The following GOLGB1 variants were observed in gnomAD, a reference collection of about 807,000 sequenced individuals.
The protein encoded by GOLGB1 is golgin B1.
Under a neutral mutation model 336.9 loss-of-function variants are expected in GOLGB1, and 174 were observed. That is an observed-to-expected ratio of 0.52 (90% confidence interval 0.46 to 0.59). GOLGB1 has a LOEUF of 0.59. Among genes scored for constraint, GOLGB1 ranks in the 20% least tolerant of loss-of-function variants. The pLI is 0.00. For synonymous variants in GOLGB1, 1,208 were observed against 1,289.2 expected (o/e 0.94, Z 1.35); for missense variants, 3,331 against 3,645.3 (o/e 0.91, Z 2.22).
chr3:121,682,552 G>C (rs1941200452), intron 14 of GOLGB1, among the ~76,000 whole-genome samples: 1 of 152,150 alleles, frequency 6.6e-6, no homozygotes, highest in Non-Finnish European at 1.5e-5. Flanking sequence ...AGTTAGTGAT[G>C]ATGACAGACT....
At position 121,696,488 on chromosome 3, in the gene GOLGB1, A is replaced by T. The variant is rs1209742730; in HGVS notation, c.4035T>A (p.Phe1345Leu). The T allele has an allele frequency of 6.8e-6, 11 of 1,614,070 alleles. No homozygotes were observed. Among genetic ancestry groups the T allele is most frequent in the Non-Finnish European group, 9.3e-6 (11 of 1,179,970 alleles). ...GTTTATTTATCTGCTCTTGTAACTG[A>T]AATACCTCTTCTGATTTTTTAGTAA... ...SELTKKSEEV[F>L]QLQEQINKQG... Residue 1345 changes from phenylalanine to leucine, a missense_variant, in exon 13 of 22, where the codon TTT (phenylalanine) becomes TTA (leucine). Transcript: ENST00000614479.
rs757706029 is a variant in GOLGB1, at chr3:121,714,917, G to A, written c.1348C>T (p.Gln450Ter). The change falls in exon 10 of 22, where the codon CAA (glutamine) becomes TAA (stop). Residue 450 changes from glutamine to a stop codon, truncating the protein, a stop_gained. Coordinates refer to ENST00000614479, the MANE Select transcript of GOLGB1 (RefSeq NM_001366282.2). LOFTEE classifies it high-confidence loss of function. The stretch of plus-strand genomic sequence containing the variant: ...GAAGTCTGAGATGCTGTTTCATGTT[G>A]TTGCAAGGGCAGTCTATTTAGAAAT... ...SQFLNRLPLQ[Q>*]HETASQTSFP... The A allele has an allele frequency of 6.2e-7, 1 of 1,613,118 alleles. No homozygotes were observed.
At chr3:121,741,269 T>A (rs1946833780) in intron 1 of GOLGB1, among the ~76,000 whole-genome samples, 1 of 151,978 alleles carries the variant, frequency 6.6e-6, no homozygotes, top group Non-Finnish European at 1.5e-5. Flanking sequence ...TAAGAACTAG[T>A]GGTGAGCATT....
chr3:121,684,170 G>GAAAAAAAAAAAAAA (rs1941463946), intron 14 of GOLGB1, among the ~76,000 whole-genome samples: 1 of 112,596 alleles, frequency 8.9e-6, no homozygotes, highest in African/African-American at 3.5e-5. Flanking sequence ...ATCTGTCTAT[G>GAAAAAAAAAAAAAA]AGACACAGAA....
chr3:121,696,258 T>G lies in GOLGB1; in HGVS notation c.4265A>C (p.Glu1422Ala). 6.2e-7 allele frequency: 1 copy of G among 1,614,056 alleles called. No homozygotes were observed. The highest frequency in any genetic ancestry group is 2.2e-5 in the East Asian group (1 of 44,884). The change falls in exon 13 of 22, where the codon GAG becomes GCG. Residue 1422 changes from glutamate (E) to alanine (A), a missense_variant. By Grantham distance (107) the Glu-to-Ala change is moderately radical. Transcript: ENST00000614479. ...TATTTTAGTGAGAGCTGCTTCTTTC[T>G]CACTAAGTTGTCCAGAAAGGTAGCT... Reference protein sequence around the residue: ...DVSYLSGQLSEKEAALTKIQT... With the variant: ...DVSYLSGQLSAKEAALTKIQT...
chr3:121,693,934 T>A lies in GOLGB1; in HGVS notation c.6589A>T (p.Lys2197Ter), dbSNP rs774681091. 6.2e-7 allele frequency: 1 copy of A among 1,613,990 alleles called. No homozygotes were observed. The highest frequency in any genetic ancestry group is 8.5e-7 in the Non-Finnish European group (1 of 1,179,844). The change falls in exon 13 of 22, where the codon AAG becomes TAG. Residue 2197 changes from lysine (K) to a stop codon, truncating the protein, a stop_gained. Coordinates refer to ENST00000614479, the MANE Select transcript of GOLGB1 (RefSeq NM_001366282.2). LOFTEE classifies it high-confidence loss of function. Reference protein sequence around the residue: ...STVTQLAAFTKSMSSLQDDRD... With the variant: ...STVTQLAAFT ...TCATCCTGGAGGGAAGACATGCTCT[T>A]AGTAAAGGCTGCAAGCTGGGTCACA...
At chr3:121,742,679 G>A (rs895470044) in intron 1 of GOLGB1, among the ~76,000 whole-genome samples, 4 of 152,044 alleles carry the variant, frequency 2.6e-5, no homozygotes, top group African/African-American at 4.8e-5. Flanking sequence ...GAGTGAACAG[G>A]CAACCTACAG....
At chr3:121,724,124 C>T (rs1429786871) in intron 5 of GOLGB1, among the ~76,000 whole-genome samples, 4 of 151,894 alleles carry the variant, frequency 2.6e-5, no homozygotes, top group South Asian at 2.1e-4. Context: ...AATGTGGAAG[C>T]AGTTTTGGAA....
At chr3:121,689,387 C>T (rs1386544284) in intron 14 of GOLGB1, among the ~76,000 whole-genome samples, 3 of 152,000 alleles carry the variant, frequency 2.0e-5, no homozygotes, top group Non-Finnish European at 2.9e-5. Flanking sequence ...GTGCTGTGTC[C>T]ACTCAGGGTT....
chr3:121,665,400 A>ATTCAATAACCAACTTTGTCT (rs1553848089), intron 20 of GOLGB1, among the ~76,000 whole-genome samples: 1 of 152,242 alleles, frequency 6.6e-6, no homozygotes, highest in East Asian at 1.9e-4. Context: ...CAGAGCCAGA[A>ATTCAATAACCAACTTTGTCT]TTCAATACCC....
chr3:121,690,730 T>C lies in GOLGB1; in HGVS notation c.8634A>G (p.Pro2878=). The C allele has an allele frequency of 1.3e-6, 2 of 1,543,536 alleles. No individual in the cohort carries two copies. Among genetic ancestry groups the C allele is most frequent in the Non-Finnish European group, 1.7e-6 (2 of 1,151,708 alleles). Residue 2878 remains proline, a synonymous_variant, in exon 14 of 22, where the codon CCA becomes CCG. Transcript: ENST00000614479. ...CTTTTTTTAAACTCTGTACTTCAGC[T>C]GGGCTGGTGGAAGGCTGAGCTGCAG... ...QRSAAQPSTS[P]AEVQSLKKAM...
At chr3:121,747,740 A>T (rs770933321) in intron 1 of GOLGB1, among the ~76,000 whole-genome samples, 21 of 152,166 alleles carry the variant, frequency 1.4e-4, no homozygotes, top group Non-Finnish European at 1.5e-4. Context: ...GAAATTATTT[A>T]CAGTGCTTAC....
chr3:121,722,279 C>T lies in GOLGB1; in HGVS notation c.631G>A (p.Ala211Thr), dbSNP rs753880139. ...TLQAQLSQTQ[A>T]EQAAQLSSMQ... ...GTCCCTACCTGTGCAGCTTGCTCTG[C>T]CTGTGTCTGGCTGAGCTGGGCTTGT... is the stretch of plus-strand genomic sequence containing the variant. The change falls in exon 6 of 22, where the codon GCA (alanine) becomes ACA (threonine). Residue 211 changes from alanine (A) to threonine (T), a missense_variant. Transcript: ENST00000614479. 5 of 1,605,630 alleles carry T rather than the reference C, an allele frequency of 3.1e-6. No individual in the cohort carries two copies. The East Asian group carries it at 1.1e-4, about 36-fold the overall frequency.
chr3:121,666,330 C>T (rs894387886), intron 20 of GOLGB1, among the ~76,000 whole-genome samples: 8 of 152,182 alleles, frequency 5.3e-5, no homozygotes, highest in African/African-American at 1.9e-4. Flanking sequence ...GCTCAAGAGT[C>T]ATCATCCCAC....
chr3:121,724,781 T>A (rs1389702730), intron 5 of GOLGB1, among the ~76,000 whole-genome samples: 1 of 152,134 alleles, frequency 6.6e-6, no homozygotes, highest in Non-Finnish European at 1.5e-5. Context: ...ACAGCCCCCA[T>A]CACAGGCCCA....
Position 121,676,626 on chromosome 3 carries a change from G to T in GOLGB1, c.9177+267C>A, listed in dbSNP as rs532074905. Among the ~76,000 whole-genome samples the T allele has an allele frequency of 7.0e-4, 106 of 152,258 alleles. 1 individual carries two copies. The highest frequency in any genetic ancestry group is 2.4e-3 in the African/African-American group (101 of 41,552). ...CATTACTACAAGTGATACAGGTCAG[G>T]GGGAAGGCTTCCTAAAGTAGTTGGC... On this transcript the variant is annotated intron_variant, in intron 17 of 21. Coordinates refer to ENST00000614479, the MANE Select transcript of GOLGB1 (RefSeq NM_001366282.2).
chr3:121,711,269 T>G (rs535715348), intron 10 of GOLGB1, among the ~76,000 whole-genome samples: 4 of 151,768 alleles, frequency 2.6e-5, no homozygotes, highest in African/African-American at 9.7e-5. Flanking sequence ...AAGAATCACA[T>G]AGCCTAGAAA....
chr3:121,667,943 G>T, intron 19 of GOLGB1, 118 bp downstream of exon 19: 1 of 593,164 alleles, frequency 1.7e-6, no homozygotes, highest in Admixed American at 3.3e-5. Context: ...ACTTCTGTGA[G>T]GCTAATAAGA....
In GOLGB1 at chr3:121,717,010, A is replaced by G; in HGVS notation, c.1015T>C (p.Ser339Pro). The G allele has an allele frequency of 6.2e-7, 1 of 1,614,094 alleles. No individual in the cohort carries two copies. Among genetic ancestry groups the G allele is most frequent in the Non-Finnish European group, 8.5e-7 (1 of 1,179,978 alleles). Residue 339 changes from serine to proline, a missense_variant, in exon 9 of 22, where the codon TCC becomes CCC. Physicochemically the swap from Ser to Pro is moderately conservative, Grantham distance 74. Transcript: ENST00000614479. ...ATTTCTTCCTGCAGATTATGGAAGGATAATTTTCTCTCTGCCACTTCAAGT... is the reference window on the plus strand; with the variant it reads ...ATTTCTTCCTGCAGATTATGGAAGGGTAATTTTCTCTCTGCCACTTCAAGT... ...MELEVAERKL[S>P]FHNLQEEMHH...
Sources: gnomAD v4.1 joint callset for allele counts (sites outside exome capture counted in the v4.1 genomes callset) on GRCh38, gnomAD v4.1.1 for gene constraint, MANE v1.5 for transcripts, NCBI Gene and HGNC (gene_info 2026-07-23, HGNC 2026-07-21) for gene names.